The following ZFYVE1 variants were observed in gnomAD, a reference collection of about 807,000 sequenced individuals.
ZFYVE1 encodes zinc finger FYVE-type containing 1, also known as zinc finger FYVE domain-containing protein 1.
Under a neutral mutation model 74.4 loss-of-function variants are expected in ZFYVE1, and 30 were observed. That is an observed-to-expected ratio of 0.40 (90% CI 0.30 to 0.55). ZFYVE1 has a LOEUF of 0.55. ZFYVE1 is among the 20% of genes least tolerant of loss of function. The pLI, the probability that ZFYVE1 is intolerant of heterozygous loss-of-function variation, is 0.42. For missense variants in ZFYVE1, 703 were observed against 1,011.6 expected, an observed-to-expected ratio of 0.69 and a Z score of 4.14; for synonymous variants, 335 against 385.1, an observed-to-expected ratio of 0.87 and a Z score of 1.52.
chr14:72,997,848 G>A lies in ZFYVE1; in HGVS notation c.951C>T (p.Ile317=), dbSNP rs1266551516. The change falls in exon 3 of 12, where the codon ATC becomes ATT. Residue 317 remains isoleucine, a synonymous_variant. Coordinates refer to ENST00000556143, the MANE Select transcript of ZFYVE1 (RefSeq NM_021260.4). Reference sequence around the variant, plus strand: ...GCTGGGTGTGCACGGTCTCATGGAAGATGATAACTGCAGGGCCCAGTGTGG... The same window carrying A: ...GCTGGGTGTGCACGGTCTCATGGAAAATGATAACTGCAGGGCCCAGTGTGG... The part of the protein sequence containing the change: ...PLSTLGPAVI[I]FHETVHTQLL... 1 of 1,604,832 alleles carries A rather than the reference G, an allele frequency of 6.2e-7. No individual in the cohort carries two copies. Among genetic ancestry groups the A allele is most frequent in the Non-Finnish European group, 8.5e-7 (1 of 1,172,422 alleles).
chr14:73,010,888 T>G (rs1362655334), intron 2 of ZFYVE1, among the ~76,000 whole-genome samples: 1 of 150,606 alleles, frequency 6.6e-6, no homozygotes, highest in Non-Finnish European at 1.5e-5. Flanking sequence ...AATATAGATT[T>G]AAATGCTTAC....
intron 4 of ZFYVE1, among the ~76,000 whole-genome samples, chr14:72,990,342 G>A (rs948543357): frequency 7.3e-5 from 11 of 151,596 alleles, no homozygotes; most frequent in South Asian, 2.1e-4. Flanking sequence ...ATCAGATCTC[G>A]GTGAAATTTT....
At chr14:73,023,187 T>G (rs1894356152) in intron 2 of ZFYVE1, among the ~76,000 whole-genome samples, 1 of 138,472 alleles carries the variant, frequency 7.2e-6, no homozygotes, top group Non-Finnish European at 1.5e-5. Context: ...TATATATATA[T>G]ATATATTTTA....
At chr14:72,984,066 C>T (rs1893413756) in intron 4 of ZFYVE1, among the ~76,000 whole-genome samples, 1 of 152,176 alleles carries the variant, frequency 6.6e-6, no homozygotes, top group East Asian at 1.9e-4. Flanking sequence ...AGGTACACAA[C>T]TCACCCAAGG....
chr14:72,969,732 G>A lies in ZFYVE1; in HGVS notation c.*1150C>T, dbSNP rs1181396514. 2.8e-6 allele frequency: 2 copies of A among 702,272 alleles called. No individual in the cohort carries two copies. The highest frequency in any genetic ancestry group is 2.0e-5 in the Admixed American group (1 of 49,974). 43.5% of individuals were successfully genotyped at this position (702,272 alleles called of 1,614,324 possible). A position where few individuals can be genotyped will look rare whatever the true frequency, so the allele number is the denominator to read the frequency against. ...ATTTCAGCACAACGGGCCCTTTCCA[G>A]TCATGACAGACAGAGATGTCCAGGC... On this transcript the variant is annotated 3_prime_UTR_variant, in exon 12 of 12. Coordinates refer to ENST00000556143, the MANE Select transcript of ZFYVE1 (RefSeq NM_021260.4).
rs73301224 is a variant in ZFYVE1 at position 73,024,868 on chromosome 14, A to C, written c.-360T>G. 1,110 of 179,244 alleles carry C rather than the reference A, an allele frequency of 6.2e-3. 10 individuals carry two copies. The highest frequency in any genetic ancestry group is 0.024 in the African/African-American group (1,020 of 42,444). The allele number at this position is 179,244 out of a possible 1,614,324, so 11.1% of individuals were successfully genotyped here. A position where few individuals can be genotyped will look rare whatever the true frequency, so the allele number is the denominator to read the frequency against. On this transcript the variant is annotated 5_prime_UTR_variant, in exon 2 of 12. Coordinates refer to ENST00000556143, the MANE Select transcript of ZFYVE1 (RefSeq NM_021260.4). ...TTCATCGGTTGGACATCAGCTACAA[A>C]GTTTTGGTAATGAAAGAAAGTGGTC...
chr14:73,023,190 A>T (rs1198702106), intron 2 of ZFYVE1, among the ~76,000 whole-genome samples: 9 of 105,234 alleles, frequency 8.6e-5, no homozygotes, highest in African/African-American at 2.2e-4. Context: ...ATATATATAT[A>T]TATTTTATAT....
rs749592790 is a variant in ZFYVE1, at chr14:72,974,834, G to T, written c.1932C>A (p.Gly644=). The part of the protein sequence containing the change: ...KTRPVPERGW[G]PAPVRVCDNC... ...TGTCACAGACCCGCACTGGCGCAGG[G>T]CCCCAGCCCCGCTCAGGCACTGGCC... Residue 644 remains glycine, a synonymous_variant, in exon 10 of 12, where the codon GGC becomes GGA. Coordinates refer to ENST00000556143, the MANE Select transcript of ZFYVE1 (RefSeq NM_021260.4). 6.2e-7 allele frequency: 1 copy of T among 1,613,364 alleles called. No homozygotes were observed. The highest frequency in any genetic ancestry group is 1.3e-5 in the African/African-American group (1 of 74,902).
In ZFYVE1 at chr14:72,970,144, T is replaced by C. The variant is rs1219930414; in HGVS notation, c.*738A>G. ...TGCTGGAGAAGGCTCAGTTCCTTCC[T>C]TGCTGTTCCCTGGGGGACCAGGGAC... On this transcript the variant is annotated 3_prime_UTR_variant, in exon 12 of 12. Transcript: ENST00000556143. 4.8e-6 allele frequency: 1 copy of C among 208,920 alleles called. No homozygotes were observed. The highest frequency in any genetic ancestry group is 9.7e-6 in the Non-Finnish European group (1 of 103,136). 12.9% of individuals were successfully genotyped at this position (208,920 alleles called of 1,614,324 possible). A position where few individuals can be genotyped will look rare whatever the true frequency, so the allele number is the denominator to read the frequency against.
chr14:72,984,426 G>A (rs1183064656), intron 4 of ZFYVE1, among the ~76,000 whole-genome samples: 1 of 151,874 alleles, frequency 6.6e-6, no homozygotes, highest in Non-Finnish European at 1.5e-5. Flanking sequence ...CTACTCAGGA[G>A]ACTGAGGCAG....
intron 2 of ZFYVE1, among the ~76,000 whole-genome samples, chr14:73,007,480 A>G (rs1027236706): frequency 1.3e-5 from 2 of 151,786 alleles, no homozygotes; most frequent in East Asian, 1.9e-4. Context: ...GGCTCAATCA[A>G]TCTCCTGCCT....
chr14:73,018,662 G>A (rs79371926), intron 2 of ZFYVE1, among the ~76,000 whole-genome samples: 11,251 of 151,468 alleles, frequency 0.074, 559 homozygotes, highest in East Asian at 0.19. Flanking sequence ...TGCCTGGCAC[G>A]GCTGGGCGCA....
intron 7 of ZFYVE1, 37 bp downstream of exon 7, chr14:72,978,100 G>T: frequency 1.9e-6 from 3 of 1,613,480 alleles, no homozygotes; most frequent in Non-Finnish European, 2.5e-6. Flanking sequence ...GGAGACAAAC[G>T]CACCAGAAAA....
intron 8 of ZFYVE1, 69 bp downstream of exon 8, chr14:72,977,858 G>A: frequency 1.3e-6 from 2 of 1,511,340 alleles, no homozygotes; most frequent in Middle Eastern, 3.5e-4. Flanking sequence ...GCAGGTTCCA[G>A]TTTTCTATAC....
intron 3 of ZFYVE1, among the ~76,000 whole-genome samples, chr14:72,994,509 C>G (rs1022513162): frequency 5.9e-5 from 9 of 151,992 alleles, no homozygotes; most frequent in African/African-American, 1.7e-4. Flanking sequence ...CAGGGGCATT[C>G]AGGCAGTGAA....
chr14:72,980,532 A>ATTT (rs1567347204), intron 5 of ZFYVE1, among the ~76,000 whole-genome samples: 184 of 97,440 alleles, frequency 1.9e-3, no homozygotes, highest in African/African-American at 5.1e-3. Context: ...CCTGAGAATT[A>ATTT]ATTAATTTAT....
At position 73,024,859 on chromosome 14, in the gene ZFYVE1, C is replaced by G. The variant is rs113447558; in HGVS notation, c.-351G>C. On this transcript the variant is annotated 5_prime_UTR_variant, in exon 2 of 12. Transcript: ENST00000556143. ...GGTGGTGGGTTCATCGGTTGGACAT[C>G]AGCTACAAAGTTTTGGTAATGAAAG... The G allele has an allele frequency of 6.5e-5, 12 of 185,478 alleles. No homozygotes were observed. The highest frequency in any genetic ancestry group is 2.8e-4 in the African/African-American group (12 of 42,732). The allele number at this position is 185,478 out of a possible 1,614,324, so 11.5% of individuals were successfully genotyped here.
Position 72,978,986 on chromosome 14 carries a change from G to C in ZFYVE1, c.1311-17C>G, listed in dbSNP as rs1267833532. ...CATCCAACCCTGAATGAAGCCCAAA[G>C]ACTGACAATGAGACGGCTAAAGGAG... On this transcript the variant is annotated splice_polypyrimidine_tract_variant and intron_variant, in intron 5 of 11. Transcript: ENST00000556143. 3 of 1,609,286 alleles carry C rather than the reference G, an allele frequency of 1.9e-6. No homozygotes were observed. Among genetic ancestry groups the C allele is most frequent in the Admixed American group, 3.3e-5 (2 of 59,976 alleles).
rs757263132 is a variant in ZFYVE1, at chr14:72,974,821, G to T, written c.1945C>A (p.Arg649=). 1.2e-6 allele frequency: 2 copies of T among 1,611,948 alleles called. No homozygotes were observed. The highest frequency in any genetic ancestry group is 8.5e-7 in the Non-Finnish European group (1 of 1,178,516). The change falls in exon 10 of 12, where the codon CGG becomes AGG. Residue 649 remains arginine (R), a synonymous_variant. Coordinates refer to ENST00000556143, the MANE Select transcript of ZFYVE1 (RefSeq NM_021260.4). The stretch of plus-strand genomic sequence containing the variant: ...GCTTCGTAGCAGTTGTCACAGACCC[G>T]CACTGGCGCAGGGCCCCAGCCCCGC... ...PERGWGPAPV[R]VCDNCYEARN...
Sources: gnomAD v4.1 joint callset for allele counts (sites outside exome capture counted in the v4.1 genomes callset) on GRCh38, gnomAD v4.1.1 for gene constraint, MANE v1.5 for transcripts, NCBI Gene and HGNC (gene_info 2026-07-23, HGNC 2026-07-21) for gene names.